Variants in ARHGAP28 observed in about 807,000 individuals in gnomAD.
ARHGAP28 encodes the protein rho GTPase-activating protein 28.
Under a neutral mutation model 90.7 loss-of-function variants are expected in ARHGAP28, and 56 were observed. The ratio of observed to expected loss-of-function variants is 0.62; its 90% confidence interval spans 0.50 to 0.77. The LOEUF is 0.77. Among genes scored for constraint, ARHGAP28 ranks in the 30% least tolerant of loss-of-function variants. The pLI, the probability that ARHGAP28 is intolerant of heterozygous loss-of-function variation, is 0.00. For synonymous variants in ARHGAP28, 308 were observed against 323.3 expected (o/e 0.95, Z 0.51); for missense variants, 869 against 900.9 (o/e 0.96, Z 0.45).
chr18:6,801,868 CTCTA>C (rs2056484561), intron 1 of ARHGAP28, among the ~76,000 whole-genome samples: 2 of 152,074 alleles, frequency 1.3e-5, no homozygotes, highest in African/African-American at 4.8e-5. Flanking sequence ...ATCTTATTTC[CTCTA>C]TCTAACTGTA....
intron 15 of ARHGAP28, among the ~76,000 whole-genome samples, chr18:6,895,572 G>A (rs1405926131): frequency 6.6e-6 from 1 of 152,224 alleles, no homozygotes; most frequent in East Asian, 1.9e-4. Flanking sequence ...GGCGATGCCA[G>A]TAATCCTCGG....
At chr18:6,775,278 C>T (rs112137607) in intron 1 of ARHGAP28, among the ~76,000 whole-genome samples, 4,234 of 152,284 alleles carry the variant, frequency 0.028, 82 homozygotes, top group Non-Finnish European at 0.041. Flanking sequence ...CAATCATCTG[C>T]ATCAGAGCAT....
At chr18:6,889,687 C>A (rs1469579) in intron 12 of ARHGAP28, among the ~76,000 whole-genome samples, 1 of 151,460 alleles carries the variant, frequency 6.6e-6, no homozygotes, top group Non-Finnish European at 1.5e-5. Flanking sequence ...TGGCTACTTT[C>A]ATGAAGCAGA....
chr18:6,758,280 CTG>C (rs2056128851), intron 1 of ARHGAP28, among the ~76,000 whole-genome samples: 1 of 151,720 alleles, frequency 6.6e-6, no homozygotes, highest in South Asian at 2.1e-4. Flanking sequence ...ATAACTAAGA[CTG>C]TCCTTTTTTG....
At chr18:6,864,899 G>A (rs1312518008) in intron 5 of ARHGAP28, among the ~76,000 whole-genome samples, 1 of 151,998 alleles carries the variant, frequency 6.6e-6, no homozygotes, top group Non-Finnish European at 1.5e-5. Context: ...TGCCCAGGCA[G>A]AACTTTATTT....
chr18:6,735,758 T>C (rs2055921352), intron 1 of ARHGAP28, among the ~76,000 whole-genome samples: 1 of 152,124 alleles, frequency 6.6e-6, no homozygotes, highest in African/African-American at 2.4e-5. Flanking sequence ...TTTTGCCGTG[T>C]TGCCCAGGCT....
intron 7 of ARHGAP28, among the ~76,000 whole-genome samples, chr18:6,871,778 C>A (rs1175272034): frequency 6.6e-6 from 1 of 152,084 alleles, no homozygotes. Context: ...TTGGACCGTT[C>A]CCAAACAACC....
intron 16 of ARHGAP28, chr18:6,898,334 T>G (rs895156722): frequency 1.7e-6 from 1 of 586,810 alleles, no homozygotes; most frequent in Middle Eastern, 4.6e-4. Context: ...TGTGTTCACT[T>G]TGTGAAAATT....
intron 5 of ARHGAP28, among the ~76,000 whole-genome samples, chr18:6,861,558 C>T (rs1354726513): frequency 1.3e-5 from 2 of 152,070 alleles, no homozygotes; most frequent in Non-Finnish European, 2.9e-5. Context: ...GCTTTAACAC[C>T]CCCAGCATTT....
At chr18:6,879,176 G>A (rs182487209) in intron 10 of ARHGAP28, among the ~76,000 whole-genome samples, 5 of 152,252 alleles carry the variant, frequency 3.3e-5, no homozygotes, top group African/African-American at 1.2e-4. Context: ...TTTGGTTGGT[G>A]TTTGCAATGA....
chr18:6,850,414 CA>C (rs1342046503), intron 3 of ARHGAP28, among the ~76,000 whole-genome samples: 1 of 152,144 alleles, frequency 6.6e-6, no homozygotes, highest in East Asian at 1.9e-4. Flanking sequence ...CAGACTTAGA[CA>C]ATTAGAGGTT....
Position 6,729,809 on chromosome 18 carries a change from T to A in ARHGAP28, c.-13T>A. 17 of 1,399,868 alleles carry A rather than the reference T, an allele frequency of 1.2e-5. No homozygotes were observed. Among genetic ancestry groups the A allele is most frequent in the Middle Eastern group, 4.7e-4 (2 of 4,266 alleles). The allele number at this position is 1,399,868 out of a possible 1,614,324, so 86.7% of individuals were successfully genotyped here. On this transcript the variant is annotated 5_prime_UTR_variant, in exon 1 of 18. It removes an upstream start codon present in the reference 5' UTR. Coordinates refer to ENST00000383472, the MANE Select transcript of ARHGAP28 (RefSeq NM_001366230.1). ...TTGTTCTGGGGCCGGCGCCGAGACA[T>A]GCGCGGCTGACGATGGAGGTGGAGG...
Position 6,837,298 on chromosome 18 carries a change from C to G in ARHGAP28, c.427C>G (p.Arg143Gly). 2 of 1,612,582 alleles carry G rather than the reference C, an allele frequency of 1.2e-6. No homozygotes were observed. The highest frequency in any genetic ancestry group is 1.6e-4 in the Middle Eastern group (1 of 6,062). ...DGKALLSTLT[R>G]TQAAAVQKRY... ...CAAAGCCTTGCTCTCCACATTGACT[C>G]GAACCCAAGCAGCTGCCGTGCAAAA... The change falls in exon 3 of 18, where the codon CGA becomes GGA. Residue 143 changes from arginine (R) to glycine (G), a missense_variant. Physicochemically the swap from Arg to Gly is moderately radical, Grantham distance 125. Transcript: ENST00000383472.
At chr18:6,810,028 T>C (rs1357533734) in intron 1 of ARHGAP28, among the ~76,000 whole-genome samples, 1 of 152,218 alleles carries the variant, frequency 6.6e-6, no homozygotes, top group Non-Finnish European at 1.5e-5. Flanking sequence ...CACCTCTGAA[T>C]TAATGGATAC....
At chr18:6,773,785 CA>C (rs2056262309) in intron 1 of ARHGAP28, among the ~76,000 whole-genome samples, 1 of 152,156 alleles carries the variant, frequency 6.6e-6, no homozygotes, top group African/African-American at 2.4e-5. Flanking sequence ...TAAAGCTCCA[CA>C]TTTGTTAAGT....
At chr18:6,746,891 A>C (rs535235937) in intron 1 of ARHGAP28, among the ~76,000 whole-genome samples, 1 of 152,248 alleles carries the variant, frequency 6.6e-6, no homozygotes, top group Non-Finnish European at 1.5e-5. Flanking sequence ...AAAGGATGAG[A>C]GTTATACATT....
chr18:6,853,489 G>A (rs1172822235), intron 4 of ARHGAP28, among the ~76,000 whole-genome samples: 1 of 100,318 alleles, frequency 1.0e-5, no homozygotes, highest in Non-Finnish European at 2.1e-5. Context: ...TTTTTTTTTT[G>A]GAGACAGAGT....
At chr18:6,866,769 A>G (rs2057041089) in intron 5 of ARHGAP28, among the ~76,000 whole-genome samples, 2 of 152,246 alleles carry the variant, frequency 1.3e-5, no homozygotes, top group African/African-American at 4.8e-5. Flanking sequence ...GCTAGGGGCC[A>G]GTAAAACTGT....
chr18:6,872,933 C>T (rs547608771), intron 7 of ARHGAP28, among the ~76,000 whole-genome samples: 22 of 152,050 alleles, frequency 1.4e-4, no homozygotes, highest in African/African-American at 5.1e-4. Context: ...CTAAAAGTCT[C>T]TTAAAGTGTG....
Sources: gnomAD v4.1 joint callset for allele counts (sites outside exome capture counted in the v4.1 genomes callset) on GRCh38, gnomAD v4.1.1 for gene constraint, MANE v1.5 for transcripts, NCBI Gene and HGNC (gene_info 2026-07-23, HGNC 2026-07-21) for gene names.